MS4A13: variants seen among roughly 807,000 people sequenced by gnomAD.
The protein encoded by MS4A13 is membrane spanning 4-domains A13.
MS4A13 carries 21 observed loss-of-function variants against 18.4 expected under a neutral mutation model. That is an observed-to-expected ratio of 1.14 (90% CI 0.81 to 1.64). The LOEUF is 1.64. Among genes scored for constraint, MS4A13 ranks in the 40% most tolerant of loss-of-function variants. The pLI is 0.00. For synonymous variants in MS4A13, 62 were observed against 57.2 expected, an observed-to-expected ratio of 1.08 and a Z score of -0.38; for missense variants, 173 against 176.8, an observed-to-expected ratio of 0.98 and a Z score of 0.12.
intron 3 of MS4A13, among the ~76,000 whole-genome samples, chr11:60,520,445 T>C (rs1446141253): frequency 6.6e-6 from 1 of 152,204 alleles, no homozygotes; most frequent in Non-Finnish European, 1.5e-5. Flanking sequence ...AGTTACTTCC[T>C]AGATACAATG....
chr11:60,522,626 A>G (rs541311202), intron 3 of MS4A13, among the ~76,000 whole-genome samples: 4 of 152,292 alleles, frequency 2.6e-5, no homozygotes, highest in Non-Finnish European at 5.9e-5. Context: ...ACACTAATTC[A>G]TAAGTGTCAA....
At chr11:60,518,018 GA>G in intron 2 of MS4A13, 53 bp from the exon 3 acceptor site, 1 of 1,364,864 alleles carries the variant, frequency 7.3e-7, no homozygotes, top group Non-Finnish European at 1.0e-6. Flanking sequence ...ACACTTATTG[GA>G]ATTGTGTTTT....
chr11:60,528,443 T>C (rs2086736082), intron 5 of MS4A13, among the ~76,000 whole-genome samples: 1 of 152,228 alleles, frequency 6.6e-6, no homozygotes, highest in Non-Finnish European at 1.5e-5. Flanking sequence ...CAAGTTTTTA[T>C]CCATTTTTTA....
intron 6 of MS4A13, among the ~76,000 whole-genome samples, chr11:60,538,795 C>T (rs1345767293): frequency 1.4e-5 from 2 of 138,356 alleles, no homozygotes; most frequent in Admixed American, 7.5e-5. Flanking sequence ...AGCCCCTAAG[C>T]TCTTTAAAAG....
intron 2 of MS4A13, among the ~76,000 whole-genome samples, chr11:60,516,383 G>T (rs1215452685): frequency 6.6e-6 from 1 of 152,090 alleles, no homozygotes; most frequent in Admixed American, 6.5e-5. Flanking sequence ...TTATAAATTT[G>T]TCTCTTCTAT....
chr11:60,521,470 A>G (rs1400545105), intron 3 of MS4A13, among the ~76,000 whole-genome samples: 1 of 152,154 alleles, frequency 6.6e-6, no homozygotes, highest in South Asian at 2.1e-4. Flanking sequence ...CTTCTGCCAG[A>G]TATCTTAAAT....
At chr11:60,533,647 G>A (rs1277634400) in intron 6 of MS4A13, among the ~76,000 whole-genome samples, 12 of 58,684 alleles carry the variant, frequency 2.0e-4, no homozygotes, top group African/African-American at 3.7e-4. Context: ...GCAGGCCAAC[G>A]TTCAGATTCA....
chr11:60,529,255 C>CTTTTTT (rs10667098), intron 5 of MS4A13, 110 bp from the exon 6 acceptor site: 22 of 172,238 alleles, frequency 1.3e-4, no homozygotes, highest in Non-Finnish European at 1.7e-4. Context: ...ATTTTCCTTC[C>CTTTTTT]TTTTTTTTTT....
At chr11:60,535,412 T>C (rs2086800688) in intron 6 of MS4A13, among the ~76,000 whole-genome samples, 2 of 127,862 alleles carry the variant, frequency 1.6e-5, no homozygotes, top group East Asian at 2.6e-4. Flanking sequence ...GCAAATAAAC[T>C]AGAAAATCTA....
At chr11:60,522,230 A>G (rs371868033) in intron 3 of MS4A13, among the ~76,000 whole-genome samples, 6 of 124,838 alleles carry the variant, frequency 4.8e-5, no homozygotes, top group East Asian at 2.5e-4. Context: ...ATAGATAGAT[A>G]GATAGATAGA....
intron 6 of MS4A13, among the ~76,000 whole-genome samples, chr11:60,538,062 G>A (rs889711516): frequency 6.7e-6 from 1 of 150,052 alleles, no homozygotes; most frequent in African/African-American, 2.5e-5. Flanking sequence ...GGCATTGGGA[G>A]ATATACCTAA....
intron 5 of MS4A13, among the ~76,000 whole-genome samples, chr11:60,527,408 C>CTGTG (rs1275890708): frequency 1.9e-3 from 66 of 35,536 alleles, no homozygotes; most frequent in African/African-American, 3.2e-3. Flanking sequence ...CTCTCTCTCT[C>CTGTG]TCTGTGTGTG....
chr11:60,525,158 A>C, intron 4 of MS4A13, 49 bp from the exon 5 acceptor site: 12 of 1,430,152 alleles, frequency 8.4e-6, no homozygotes, highest in Non-Finnish European at 1.2e-5. Flanking sequence ...CTATTACACC[A>C]AAATGTTTAT....
At chr11:60,517,554 G>T (rs532178780) in intron 2 of MS4A13, among the ~76,000 whole-genome samples, 1 of 152,106 alleles carries the variant, frequency 6.6e-6, no homozygotes, top group South Asian at 2.1e-4. Context: ...TGCTGTGTTG[G>T]ATTATGCCCC....
rs189238420 is a variant in MS4A13, at chr11:60,532,573, G to C, written c.402+3113G>C. 5.5e-3 allele frequency among the ~76,000 whole-genome samples: 832 copies of C among 152,264 alleles called. 5 individuals carry two copies. Among genetic ancestry groups the C allele is most frequent in the African/African-American group, 0.019 (789 of 41,564 alleles). ...GCACAGCAGTCTCAGATCAAACTGCGAGGTGGCAGCGAGGTTGGGGGAGGG... is the reference window on the plus strand; with the variant it reads ...GCACAGCAGTCTCAGATCAAACTGCCAGGTGGCAGCGAGGTTGGGGGAGGG... On this transcript the variant is annotated intron_variant, in intron 6 of 6. Transcript: ENST00000378186.
At chr11:60,527,398 CTCTCTCTCTCTCTGTGTGTGTGTGTGTG>C (rs2086724292) in intron 5 of MS4A13, among the ~76,000 whole-genome samples, 1 of 93,294 alleles carries the variant, frequency 1.1e-5, no homozygotes, top group African/African-American at 4.8e-5. Flanking sequence ...CTCTCTCTCT[CTCTCTCTCTCTCTGTGTGTGTGTGTGTG>C]TGTGTGTGTG....
At chr11:60,531,758 G>A (rs1590877479) in intron 6 of MS4A13, among the ~76,000 whole-genome samples, 1 of 152,132 alleles carries the variant, frequency 6.6e-6, no homozygotes, top group African/African-American at 2.4e-5. Context: ...GTTTTCACAT[G>A]GTCTTCTCTT....
chr11:60,527,454 C>A (rs1181842208), intron 5 of MS4A13, among the ~76,000 whole-genome samples: 2 of 57,284 alleles, frequency 3.5e-5, no homozygotes, highest in African/African-American at 7.2e-5. Context: ...GTTTCCGTTT[C>A]CTCAGTTTTC....
At chr11:60,521,889 T>G (rs1040232605) in intron 3 of MS4A13, among the ~76,000 whole-genome samples, 2 of 152,174 alleles carry the variant, frequency 1.3e-5, no homozygotes, top group Non-Finnish European at 2.9e-5. Context: ...AGATAGAGGT[T>G]TGTTGGACTT....
Sources: gnomAD v4.1 joint callset for allele counts (sites outside exome capture counted in the v4.1 genomes callset) on GRCh38, gnomAD v4.1.1 for gene constraint, MANE v1.5 for transcripts, NCBI Gene and HGNC (gene_info 2026-07-23, HGNC 2026-07-21) for gene names.